RYR1: variants seen among roughly 807,000 people sequenced by gnomAD.
The protein encoded by RYR1 is ryanodine receptor 1.
Under a neutral mutation model 583.5 loss-of-function variants are expected in RYR1, and 342 were observed. That is an observed-to-expected ratio of 0.59 (90% CI 0.54 to 0.64). RYR1 has a LOEUF of 0.64. Among genes scored for constraint, RYR1 ranks in the 30% least tolerant of loss-of-function variants. The pLI is 0.00. For missense variants in RYR1, 6,032 were observed against 6,917.2 expected (o/e 0.87, Z 4.54); for synonymous variants, 2,791 against 2,822.5 (o/e 0.99, Z 0.35).
intron 99 of RYR1, 31 bp downstream of exon 99, chr19:38,578,235 C>G (rs750457622): frequency 1.9e-6 from 3 of 1,609,364 alleles, no homozygotes; most frequent in South Asian, 1.1e-5. Flanking sequence ...TGGGGAGGGA[C>G]TCTGCAGGGG....
rs1013312131 is a variant in RYR1 at position 38,506,088 on chromosome 19, C to G, written c.8541+142C>G. ...CAAGAGGGGTGCAGAAACCTGAGATCTGGGAAAGGAGAGGGCAGGGGTCTG... is the reference window on the plus strand; with the variant it reads ...CAAGAGGGGTGCAGAAACCTGAGATGTGGGAAAGGAGAGGGCAGGGGTCTG... On this transcript the variant is annotated intron_variant, in intron 54 of 105. Transcript: ENST00000359596. 1.5e-5 allele frequency: 18 copies of G among 1,220,950 alleles called. No individual in the cohort carries two copies. In the East Asian group the frequency reaches 3.5e-4, roughly 24 times the overall value. The allele number at this position is 1,220,950 out of a possible 1,614,324, so 75.6% of individuals were successfully genotyped here.
At chr19:38,504,099 T>G (rs1025035033) in intron 49 of RYR1, 121 bp from the exon 50 acceptor site, 1 of 1,104,440 alleles carries the variant, frequency 9.1e-7, no homozygotes, top group African/African-American at 1.8e-5. Flanking sequence ...ATCATTTGCA[T>G]AACCCACACC....
rs142961578 is a variant in RYR1 at position 38,570,202 on chromosome 19, A to G, written c.13660-405A>G. Among the ~76,000 whole-genome samples, 392 of 152,128 alleles carry G rather than the reference A, an allele frequency of 2.6e-3. 1 individual carries two copies. The highest frequency in any genetic ancestry group is 9.0e-3 in the African/African-American group (372 of 41,496). On this transcript the variant is annotated intron_variant, in intron 93 of 105. Coordinates refer to ENST00000359596, the MANE Select transcript of RYR1 (RefSeq NM_000540.3). Reference sequence around the variant, plus strand: ...GCTGGACGTGGTGGCTCAAGCCTGTAATCCCAGCACTTAGGCTGAGGAGGG... The same window carrying G: ...GCTGGACGTGGTGGCTCAAGCCTGTGATCCCAGCACTTAGGCTGAGGAGGG...
chr19:38,450,502 G>A (rs976168936), intron 11 of RYR1, among the ~76,000 whole-genome samples: 7 of 152,124 alleles, frequency 4.6e-5, no homozygotes, highest in African/African-American at 7.2e-5. Flanking sequence ...TTTAATAGGC[G>A]AAAGAAGGAG....
chr19:38,568,615 AGTGGTGCATGCCT>A (rs1291943080), intron 93 of RYR1, among the ~76,000 whole-genome samples: 1 of 151,186 alleles, frequency 6.6e-6, no homozygotes, highest in African/African-American at 2.4e-5. Context: ...AGCCAGCCAT[AGTGGTGCATGCCT>A]GCAATTCCAG....
At chr19:38,457,044 TCCAAAAA>T (rs1172134617) in intron 16 of RYR1, among the ~76,000 whole-genome samples, 2 of 48,550 alleles carry the variant, frequency 4.1e-5, no homozygotes. Context: ...AGACTCCATC[TCCAAAAA>T]AAAAAAAAAA....
intron 33 of RYR1, 115 bp from the exon 34 acceptor site, chr19:38,485,475 A>G: frequency 7.0e-7 from 1 of 1,423,076 alleles, no homozygotes. Context: ...TTTGAAGGAA[A>G]GACGAATGAA....
chr19:38,585,178 G>A (rs1974417481), intron 102 of RYR1, 79 bp downstream of exon 102: 3 of 1,531,934 alleles, frequency 2.0e-6, no homozygotes, highest in South Asian at 1.2e-5. Flanking sequence ...GGATCCAGTC[G>A]GCCTGCATTC....
chr19:38,546,420 G>C, intron 87 of RYR1, 25 bp from the exon 88 acceptor site: 1 of 1,607,868 alleles, frequency 6.2e-7, no homozygotes, highest in African/African-American at 1.3e-5. Context: ...GCTGAGACCA[G>C]CCCTCACCGA....
chr19:38,465,896 T>G (rs1273601799), intron 23 of RYR1, among the ~76,000 whole-genome samples, 195 bp from the exon 24 acceptor site: 1 of 152,210 alleles, frequency 6.6e-6, no homozygotes, highest in Non-Finnish European at 1.5e-5. Context: ...AAGCCCTTGC[T>G]AGGGTCCCAG....
At chr19:38,516,308 G>T in intron 65 of RYR1, 91 bp downstream of exon 65, 2 of 1,461,286 alleles carry the variant, frequency 1.4e-6, no homozygotes, top group Admixed American at 4.1e-5. Context: ...TAGTGTGGCT[G>T]GGCTGGGCTG....
At chr19:38,481,505 C>T (rs1189903634) in intron 31 of RYR1, among the ~76,000 whole-genome samples, 6 of 152,060 alleles carry the variant, frequency 3.9e-5, no homozygotes, top group Non-Finnish European at 8.8e-5. Context: ...ATGTAGATTT[C>T]CCCCTCCATT....
At chr19:38,537,361 T>G (rs1972019715) in intron 83 of RYR1, among the ~76,000 whole-genome samples, 1 of 152,068 alleles carries the variant, frequency 6.6e-6, no homozygotes, top group Admixed American at 6.5e-5. Flanking sequence ...TTTACACGCC[T>G]CCCCTGTGCT....
intron 33 of RYR1, among the ~76,000 whole-genome samples, chr19:38,485,208 T>C (rs1202855464): frequency 5.3e-5 from 8 of 152,088 alleles, no homozygotes; most frequent in Non-Finnish European, 1.2e-4. Context: ...ACTCTCAGAC[T>C]CTTACGAAGT....
intron 65 of RYR1, among the ~76,000 whole-genome samples, chr19:38,516,926 C>T (rs1360649420): frequency 6.6e-6 from 1 of 152,148 alleles, no homozygotes; most frequent in Non-Finnish European, 1.5e-5. Flanking sequence ...AGAATGGCAC[C>T]TGGCCCAGAG....
At position 38,448,796 on chromosome 19, in the gene RYR1, G is replaced by C. The variant is rs570010656; in HGVS notation, c.1105G>C (p.Gly369Arg). Reference sequence around the variant, plus strand: ...TCCAGACCCCAAGGCCCTGCGGCTCGGCGTGCTCAAGAAGAAGGTGGGTGT... The same window carrying C: ...TCCAGACCCCAAGGCCCTGCGGCTCCGCGTGCTCAAGAAGAAGGTGGGTGT... Reference protein sequence around the residue: ...AAPDPKALRLGVLKKKAMLHQ... With the variant: ...AAPDPKALRLRVLKKKAMLHQ... The change falls in exon 11 of 106, where the codon GGC (glycine) becomes CGC (arginine). Residue 369 changes from glycine to arginine, a missense_variant. Transcript: ENST00000359596. 2 of 1,613,992 alleles carry C rather than the reference G, an allele frequency of 1.2e-6. No individual in the cohort carries two copies. Among genetic ancestry groups the C allele is most frequent in the East Asian group, 4.5e-5 (2 of 44,874 alleles).
chr19:38,547,775 GCA>G, intron 88 of RYR1, among the ~76,000 whole-genome samples: 1 of 151,330 alleles, frequency 6.6e-6, no homozygotes, highest in East Asian at 2.0e-4. Context: ...GAGTGCAGTG[GCA>G]CGATCTCGGC....
rs1354061498 is a variant in RYR1 at position 38,490,121 on chromosome 19, C to T, written c.5860C>T (p.Arg1954Cys). Residue 1954 changes from arginine to cysteine, a missense_variant, in exon 36 of 106, where the codon CGT becomes TGT. Physicochemically the swap from Arg to Cys is radical, Grantham distance 180 (BLOSUM62 -3). Coordinates refer to ENST00000359596, the MANE Select transcript of RYR1 (RefSeq NM_000540.3). ...EYFCDQELQH[R>C]VESLAAFAER... ...TTTCTGTGACCAAGAGCTGCAGCAC[C>T]GTGTGGAGTCCCTGGCAGCCTTTGC... 4 of 1,614,112 alleles carry T rather than the reference C, an allele frequency of 2.5e-6. No homozygotes were observed. The highest frequency in any genetic ancestry group is 2.2e-5 in the East Asian group (1 of 44,892).
chr19:38,527,938 G>T (rs576926435), intron 73 of RYR1, among the ~76,000 whole-genome samples, 154 bp downstream of exon 73: 3 of 148,808 alleles, frequency 2.0e-5, no homozygotes, highest in African/African-American at 7.4e-5. Context: ...GGCTTAGAAT[G>T]GATCGGGGGA....
Sources: allele counts gnomAD v4.1 joint callset (sites outside exome capture counted in the v4.1 genomes callset), GRCh38; gene constraint gnomAD v4.1.1; transcripts MANE v1.5; gene names NCBI Gene and HGNC (gene_info 2026-07-23, HGNC 2026-07-21).